HSPA12B: variants seen among roughly 807,000 people sequenced by gnomAD.
HSPA12B encodes heat shock protein family A (Hsp70) member 12B.
Under a neutral mutation model 69.3 loss-of-function variants are expected in HSPA12B, and 54 were observed. The observed-to-expected ratio is 0.78, with a 90% CI of 0.63 to 0.98. The LOEUF (loss-of-function observed/expected upper bound fraction) is 0.98, where lower values mean the gene tolerates loss of function less well. Ranked by LOEUF, HSPA12B falls within the 50% of genes least tolerant of loss-of-function variation. The pLI is 0.00. For missense variants in HSPA12B, 929 were observed against 999.8 expected (o/e 0.93, Z 0.96); for synonymous variants, 441 against 436.5 (o/e 1.01, Z -0.13).
In HSPA12B at chr20:3,744,157, C is replaced by G. The variant is rs1420809222; in HGVS notation, c.267-745C>G. Among the ~76,000 whole-genome samples, 1 of 152,128 alleles carries G rather than the reference C, an allele frequency of 6.6e-6. No individual in the cohort carries two copies. Among genetic ancestry groups the G allele is most frequent in the African/African-American group, 2.4e-5 (1 of 41,412 alleles). On this transcript the variant is annotated intron_variant, in intron 4 of 12. Coordinates refer to ENST00000254963, the MANE Select transcript of HSPA12B (RefSeq NM_052970.5). This position sits in a 1 kb window ranked among gnomAD's most constrained non-coding sequence, Gnocchi z 4.9. ...GGGAGGTAAGAGGGGCTTCCCAAGGCCTGGAGACTGGATGGAAGGGTGAAT... is the reference window on the plus strand; with the variant it reads ...GGGAGGTAAGAGGGGCTTCCCAAGGGCTGGAGACTGGATGGAAGGGTGAAT...
At position 3,752,017 on chromosome 20, in the gene HSPA12B, G is replaced by C. The variant is rs200283012; in HGVS notation, c.1912G>C (p.Asp638His). The change falls in exon 13 of 13, where the codon GAC becomes CAC. Residue 638 changes from aspartate to histidine, a missense_variant. Physicochemically the swap from Asp to His is moderately conservative, Grantham distance 81. Coordinates refer to ENST00000254963, the MANE Select transcript of HSPA12B (RefSeq NM_052970.5). Reference sequence around the variant, plus strand: ...GCTCAGCCTCGAGCTTGAGCCCGCCGACTGCGGCCAGGACACCGCCGGCGC... The same window carrying C: ...GCTCAGCCTCGAGCTTGAGCCCGCCCACTGCGGCCAGGACACCGCCGGCGC... ...GALSLELEPA[D>H]CGQDTAGAPP... is the part of the protein sequence containing the mutation. 409 of 1,565,640 alleles carry C rather than the reference G, an allele frequency of 2.6e-4. No homozygotes were observed. In the African/African-American group the frequency reaches 5.2e-3, roughly 20 times the overall value.
At chr20:3,735,120 T>C (rs920882470) in intron 1 of HSPA12B, among the ~76,000 whole-genome samples, 2 of 152,138 alleles carry the variant, frequency 1.3e-5, no homozygotes, top group African/African-American at 4.8e-5. Context: ...AAGACCAAAA[T>C]ATCTAACAAG....
chr20:3,752,019 C>G lies in HSPA12B; in HGVS notation c.1914C>G (p.Asp638Glu). 3 of 1,566,162 alleles carry G rather than the reference C, an allele frequency of 1.9e-6. No homozygotes were observed. Among genetic ancestry groups the G allele is most frequent in the Non-Finnish European group, 1.7e-6 (2 of 1,161,780 alleles). Residue 638 changes from aspartate to glutamate, a missense_variant, in exon 13 of 13, where the codon GAC becomes GAG. Transcript: ENST00000254963. ...TCAGCCTCGAGCTTGAGCCCGCCGA[C>G]TGCGGCCAGGACACCGCCGGCGCGC... Reference protein sequence around the residue: ...GALSLELEPADCGQDTAGAPP... With the variant: ...GALSLELEPAECGQDTAGAPP...
Position 3,742,428 on chromosome 20 carries a change from G to C in HSPA12B, c.266+20G>C, listed in dbSNP as rs1378868754. ...GATGAGGTGAGGTCGGCTGGGCTGA[G>C]AGAGTGAGGTGGGGAAGGTGGGGAG... is the stretch of plus-strand genomic sequence containing the variant. On this transcript the variant is annotated intron_variant, in intron 4 of 12. Transcript: ENST00000254963. 1 of 1,591,524 alleles carries C rather than the reference G, an allele frequency of 6.3e-7. No individual in the cohort carries two copies.
Position 3,751,969 on chromosome 20 carries a change from C to G in HSPA12B, c.1864C>G (p.Pro622Ala). 1.3e-6 allele frequency: 2 copies of G among 1,579,164 alleles called. No individual in the cohort carries two copies. The highest frequency in any genetic ancestry group is 8.6e-7 in the Non-Finnish European group (1 of 1,167,914). ...AAEDARFITD[P>A]GVRKCGALSL... is the part of the protein sequence containing the mutation. Reference sequence around the variant, plus strand: ...AGAGGATGCGCGCTTCATCACCGACCCCGGCGTGCGCAAATGCGGCGCGCT... The same window carrying G: ...AGAGGATGCGCGCTTCATCACCGACGCCGGCGTGCGCAAATGCGGCGCGCT... Residue 622 changes from proline (P) to alanine (A), a missense_variant, in exon 13 of 13, where the codon CCC (proline) becomes GCC (alanine). Transcript: ENST00000254963.
rs2088404941 is a variant in HSPA12B, at chr20:3,750,810, C to T, written c.1308C>T (p.Asn436=). ...CCCCTTTCACCACCAACAGCGTGAA[C>T]TTCGTGAAGTGGTCCTCACAGGGGA... ...VETALRRSSV[N]FVKWSSQGML... The change falls in exon 12 of 13, where the codon AAC becomes AAT. Residue 436 remains asparagine (N), a synonymous_variant. Transcript: ENST00000254963. 6.2e-7 allele frequency: 1 copy of T among 1,613,718 alleles called. No individual in the cohort carries two copies. The highest frequency in any genetic ancestry group is 8.5e-7 in the Non-Finnish European group (1 of 1,180,010).
At chr20:3,751,192 G>T (rs1041775736) in intron 12 of HSPA12B, 1 of 930,266 alleles carries the variant, frequency 1.1e-6, no homozygotes, top group Non-Finnish European at 1.3e-6. Flanking sequence ...AAAATGAGCT[G>T]AAGTACCTAG....
At position 3,744,590 on chromosome 20, in the gene HSPA12B, GT is replaced by G. The variant is rs1168778775; in HGVS notation, c.267-309del. 6.6e-6 allele frequency among the ~76,000 whole-genome samples: 1 copy of G among 152,196 alleles called. No individual in the cohort carries two copies. Among genetic ancestry groups the G allele is most frequent in the Non-Finnish European group, 1.5e-5 (1 of 68,036 alleles). On this transcript the variant is annotated intron_variant, in intron 4 of 12. Transcript: ENST00000254963. The surrounding 1 kb of genome is among the most constrained non-coding windows in gnomAD (Gnocchi z 4.9). ...GATGGCTGCAATATCCTCCTCCTTG[GT>G]TTCCTTTCTCCATGCTCCCTTCCCT...
chr20:3,752,248 G>T lies in HSPA12B; in HGVS notation c.*82G>T. On this transcript the variant is annotated 3_prime_UTR_variant, in exon 13 of 13. Coordinates refer to ENST00000254963, the MANE Select transcript of HSPA12B (RefSeq NM_052970.5). The stretch of plus-strand genomic sequence containing the variant: ...GGGGCCTGCGGAGCGGGTTGGGGCG[G>T]GGGAAACGATAGTTCTGCAGTCTGC... 1 of 1,306,916 alleles carries T rather than the reference G, an allele frequency of 7.7e-7. No individual in the cohort carries two copies. The highest frequency in any genetic ancestry group is 1.7e-5 in the South Asian group (1 of 60,380). 81.0% of individuals were successfully genotyped at this position (1,306,916 alleles called of 1,614,324 possible).
At chr20:3,748,114 G>A (rs925481313) in intron 7 of HSPA12B, 103 bp from the exon 8 acceptor site, 57 of 1,029,650 alleles carry the variant, frequency 5.5e-5, no homozygotes, top group Non-Finnish European at 6.8e-5. Flanking sequence ...TGTGATGGAG[G>A]AGGAGGTGGG....
In HSPA12B at chr20:3,751,619, C is replaced by G. The variant is rs1188314913; in HGVS notation, c.1514C>G (p.Ala505Gly). The G allele has an allele frequency of 6.5e-7, 1 of 1,529,474 alleles. No homozygotes were observed. The highest frequency in any genetic ancestry group is 2.5e-5 in the East Asian group (1 of 40,434). 94.7% of individuals were successfully genotyped at this position (1,529,474 alleles called of 1,614,324 possible). A position where few individuals can be genotyped will look rare whatever the true frequency, so the allele number is the denominator to read the frequency against. The change falls in exon 13 of 13, where the codon GCC becomes GGC. Residue 505 changes from alanine (A) to glycine (G), a missense_variant. Ala to Gly is a moderately conservative substitution (Grantham distance 60). Around this residue, in one of 3 missense-constraint regions of HSPA12B, gnomAD observed 448 missense variants for 448.1 expected, o/e 1.00. Transcript: ENST00000254963. ...LQHAVQAALG[A>G]RGLRVVVPHD... ...CACGCGGTGCAGGCGGCGCTGGGCG[C>G]CCGCGGTCTGCGTGTCGTGGTCCCG...
chr20:3,738,733 A>G lies in HSPA12B; in HGVS notation c.43+16A>G, dbSNP rs750383669. 3 of 1,613,928 alleles carry G rather than the reference A, an allele frequency of 1.9e-6. No homozygotes were observed. Among genetic ancestry groups the G allele is most frequent in the South Asian group, 1.1e-5 (1 of 91,076 alleles). On this transcript the variant is annotated intron_variant, in intron 2 of 12. Coordinates refer to ENST00000254963, the MANE Select transcript of HSPA12B (RefSeq NM_052970.5). Reference sequence around the variant, plus strand: ...CTGTACATCGGTAAGAACCCCCACCATTCTGCCCTGACCCATCACCCACTC... The same window carrying G: ...CTGTACATCGGTAAGAACCCCCACCGTTCTGCCCTGACCCATCACCCACTC...
Position 3,750,225 on chromosome 20 carries a change from C to G in HSPA12B, c.1299C>G (p.Ser433Arg). ...ACGTGGAGACCGCTCTGCGCAGGAG[C>G]AGGTGGGTCCTGAGCCCGCGGGCTC... The part of the protein sequence containing the change: ...GHNVETALRR[S>R]SVNFVKWSSQ... The change falls in exon 11 of 13, where the codon AGC (serine) becomes AGG (arginine). Residue 433 changes from serine (S) to arginine (R), a missense_variant and splice_region_variant. Coordinates refer to ENST00000254963, the MANE Select transcript of HSPA12B (RefSeq NM_052970.5). 1 of 1,591,776 alleles carries G rather than the reference C, an allele frequency of 6.3e-7. No homozygotes were observed. The highest frequency in any genetic ancestry group is 8.6e-7 in the Non-Finnish European group (1 of 1,164,312).
Position 3,749,849 on chromosome 20 carries a change from C to A in HSPA12B, c.1037C>A (p.Ala346Glu). ...GGCACCCTCAAGGAGCTCTACAAGG[C>A]ATCTGGTGAGTAGCCAGGCGGCGCC... Reference protein sequence around the residue: ...PHGTLKELYKASGGPYGAVGV... With the variant: ...PHGTLKELYKESGGPYGAVGV... Residue 346 changes from alanine (A) to glutamate (E), a missense_variant, in exon 10 of 13, where the codon GCA becomes GAA. Physicochemically the swap from Ala to Glu is moderately radical, Grantham distance 107 (BLOSUM62 -1). Transcript: ENST00000254963. The surrounding 1 kb of genome is among the most constrained non-coding windows in gnomAD (Gnocchi z 5.5). 1 of 1,603,680 alleles carries A rather than the reference C, an allele frequency of 6.2e-7. No homozygotes were observed. The highest frequency in any genetic ancestry group is 8.5e-7 in the Non-Finnish European group (1 of 1,175,400).
Position 3,740,830 on chromosome 20 carries a change from G to C in HSPA12B, c.59G>C (p.Arg20Pro). Reference sequence around the variant, plus strand: ...TTCTCTGCAGGCTCCAGCCCGGAGCGGTCCCCAGTGCCTAGCCCACCCGGC... The same window carrying C: ...TTCTCTGCAGGCTCCAGCCCGGAGCCGTCCCCAGTGCCTAGCCCACCCGGC... ...QGLYIGSSPERSPVPSPPGSP... is the reference protein window; with the variant it reads ...QGLYIGSSPEPSPVPSPPGSP... The change falls in exon 3 of 13, where the codon CGG (arginine) becomes CCG (proline). Residue 20 changes from arginine to proline, a missense_variant. By Grantham distance (103) the Arg-to-Pro change is moderately radical (BLOSUM62 -2). Coordinates refer to ENST00000254963, the MANE Select transcript of HSPA12B (RefSeq NM_052970.5). The surrounding 1 kb of genome is among the most constrained non-coding windows in gnomAD (Gnocchi z 4.9). 1 of 1,613,648 alleles carries C rather than the reference G, an allele frequency of 6.2e-7. No homozygotes were observed. Among genetic ancestry groups the C allele is most frequent in the Non-Finnish European group, 8.5e-7 (1 of 1,179,900 alleles).
rs1472886204 is a variant in HSPA12B at position 3,744,814 on chromosome 20, A to G, written c.267-88A>G. 7 of 1,278,190 alleles carry G rather than the reference A, an allele frequency of 5.5e-6. No individual in the cohort carries two copies. The highest frequency in any genetic ancestry group is 1.5e-5 in the African/African-American group (1 of 68,004). 79.2% of individuals were successfully genotyped at this position (1,278,190 alleles called of 1,614,324 possible). A position where few individuals can be genotyped will look rare whatever the true frequency, so the allele number is the denominator to read the frequency against. On this transcript the variant is annotated intron_variant, in intron 4 of 12. Transcript: ENST00000254963. This position sits in a 1 kb window ranked among gnomAD's most constrained non-coding sequence, Gnocchi z 4.9. ...TAGCTAGTTCTCCCTGCTCTTTCACATCTGTAAGTTTTTGCACATGCTGTT... is the reference window on the plus strand; with the variant it reads ...TAGCTAGTTCTCCCTGCTCTTTCACGTCTGTAAGTTTTTGCACATGCTGTT...
chr20:3,751,551 G>T lies in HSPA12B; in HGVS notation c.1446G>T (p.Leu482=). ...LARPEVQGVK[L]LFLVGGFAES... ...GGCCGGAGGTGCAGGGTGTGAAGCT[G>T]CTGTTCCTAGTGGGCGGCTTCGCCG... is the stretch of plus-strand genomic sequence containing the variant. The change falls in exon 13 of 13, where the codon CTG becomes CTT. Residue 482 remains leucine, a synonymous_variant. Transcript: ENST00000254963. 6.7e-7 allele frequency: 1 copy of T among 1,490,698 alleles called. No individual in the cohort carries two copies. 92.3% of individuals were successfully genotyped at this position (1,490,698 alleles called of 1,614,324 possible).
rs1222932001 is a variant in HSPA12B at position 3,752,053 on chromosome 20, C to T, written c.1948C>T (p.Arg650Cys). Residue 650 changes from arginine (R) to cysteine (C), a missense_variant, in exon 13 of 13, where the codon CGC (arginine) becomes TGC (cysteine). By Grantham distance (180) the Arg-to-Cys change is radical. Around this residue, in one of 3 missense-constraint regions of HSPA12B, gnomAD observed 448 missense variants for 448.1 expected, o/e 1.00. Coordinates refer to ENST00000254963, the MANE Select transcript of HSPA12B (RefSeq NM_052970.5). ...GQDTAGAPPGRREIRAAMQFG... is the reference protein window; with the variant it reads ...GQDTAGAPPGCREIRAAMQFG... ...GGACACCGCCGGCGCGCCTCCCGGC[C>T]GCCGCGAGATCCGCGCCGCCATGCA... The T allele has an allele frequency of 1.3e-6, 2 of 1,551,588 alleles. No homozygotes were observed. Among genetic ancestry groups the T allele is most frequent in the Non-Finnish European group, 1.7e-6 (2 of 1,155,208 alleles).
At position 3,752,015 on chromosome 20, in the gene HSPA12B, C is replaced by T; in HGVS notation, c.1910C>T (p.Ala637Val). The stretch of plus-strand genomic sequence containing the variant: ...GCGCTCAGCCTCGAGCTTGAGCCCG[C>T]CGACTGCGGCCAGGACACCGCCGGC... ...CGALSLELEP[A>V]DCGQDTAGAP... The change falls in exon 13 of 13, where the codon GCC becomes GTC. Residue 637 changes from alanine (A) to valine (V), a missense_variant. By Grantham distance (64) the Ala-to-Val change is moderately conservative. This residue lies in a region of HSPA12B where 448 missense variants were observed against 448.1 expected (regional missense o/e 1.00). Coordinates refer to ENST00000254963, the MANE Select transcript of HSPA12B (RefSeq NM_052970.5). The T allele has an allele frequency of 6.4e-7, 1 of 1,564,548 alleles. No individual in the cohort carries two copies. Among genetic ancestry groups the T allele is most frequent in the Non-Finnish European group, 8.6e-7 (1 of 1,160,858 alleles).
Sources: gnomAD v4.1 joint callset for allele counts (sites outside exome capture counted in the v4.1 genomes callset) on GRCh38, gnomAD v4.1.1 for gene constraint, gnomAD v4.1.1 regional missense constraint, Gnocchi (gnomAD v3.1) non-coding constraint, MANE v1.5 for transcripts, NCBI Gene and HGNC (gene_info 2026-07-23, HGNC 2026-07-21) for gene names.